ARHGEF10: variants seen among roughly 807,000 people sequenced by gnomAD.
The protein encoded by ARHGEF10 is Rho guanine nucleotide exchange factor 10.
A neutral mutation model predicts 147.4 loss-of-function variants in ARHGEF10; 140 were observed. That is an observed-to-expected ratio of 0.95 (90% confidence interval 0.83 to 1.09). The LOEUF (loss-of-function observed/expected upper bound fraction) is 1.09, where lower values mean the gene tolerates loss of function less well. ARHGEF10 is among the 50% of genes least tolerant of loss of function. The pLI is 0.00. For missense variants in ARHGEF10, 2,222 were observed against 1,752.7 expected (o/e 1.27, Z -4.78); for synonymous variants, 902 against 695.8 (o/e 1.30, Z -4.67).
At position 1,846,410 on chromosome 8, in the gene ARHGEF10, C is replaced by G. The variant is rs190209501; in HGVS notation, c.37+2974C>G. Among the ~76,000 whole-genome samples, 807 of 152,296 alleles carry G rather than the reference C, an allele frequency of 5.3e-3. 6 individuals carry two copies. Among genetic ancestry groups the G allele is most frequent in the African/African-American group, 0.018 (736 of 41,558 alleles). ...ATAATTTCCCCCATTATTAAGTCAACCGTCCACTTAAAAGTGCCCCTGAAG... is the reference window on the plus strand; with the variant it reads ...ATAATTTCCCCCATTATTAAGTCAAGCGTCCACTTAAAAGTGCCCCTGAAG... On this transcript the variant is annotated intron_variant, in intron 2 of 28. Coordinates refer to ENST00000349830, the MANE Select transcript of ARHGEF10 (RefSeq NM_014629.4).
At chr8:1,936,035 A>G (rs1813573452) in intron 26 of ARHGEF10, among the ~76,000 whole-genome samples, 1 of 152,192 alleles carries the variant, frequency 6.6e-6, no homozygotes, top group Non-Finnish European at 1.5e-5. Context: ...AATGATGAGG[A>G]AAAGGCTACA....
Position 1,941,325 on chromosome 8 carries a change from C to T in ARHGEF10, c.3223-4156C>T, listed in dbSNP as rs73671061. 4.0e-3 allele frequency among the ~76,000 whole-genome samples: 611 copies of T among 152,162 alleles called. 5 individuals are homozygous for T. The highest frequency in any genetic ancestry group is 0.014 in the African/African-American group (576 of 41,484). On this transcript the variant is annotated intron_variant, in intron 26 of 28. Coordinates refer to ENST00000349830, the MANE Select transcript of ARHGEF10 (RefSeq NM_014629.4). The stretch of plus-strand genomic sequence containing the variant: ...ATTTCTATACACTAGCAGCAAACAA[C>T]CTGAAAATGAGACAAGAAAACAACT...
At chr8:1,919,626 C>CTGTTCT (rs1812069188) in intron 18 of ARHGEF10, among the ~76,000 whole-genome samples, 1 of 126,804 alleles carries the variant, frequency 7.9e-6, no homozygotes, top group African/African-American at 3.2e-5. Flanking sequence ...TGTCAAGTGA[C>CTGTTCT]AGAGCTGTTC....
chr8:1,889,131 T>TGTGTGTGGGGTGAGGGTTGTAAGGGGAAA (rs1809134159), intron 11 of ARHGEF10, among the ~76,000 whole-genome samples: 1 of 61,192 alleles, frequency 1.6e-5, no homozygotes, highest in Admixed American at 1.5e-4. Context: ...GAGGAGACAC[T>TGTGTGTGGGGTGAGGGTTGTAAGGGGAAA]GTGAGTGGGG....
At chr8:1,950,179 C>T (rs532015088) in intron 27 of ARHGEF10, among the ~76,000 whole-genome samples, 6 of 152,210 alleles carry the variant, frequency 3.9e-5, no homozygotes, top group African/African-American at 1.4e-4. Context: ...CCTCCCACCT[C>T]GCCAGCGGAC....
Position 1,860,078 on chromosome 8 carries a change from C to T in ARHGEF10, c.375C>T (p.Tyr125=), listed in dbSNP as rs1444479178. 6.2e-7 allele frequency: 1 copy of T among 1,614,098 alleles called. No homozygotes were observed. Among genetic ancestry groups the T allele is most frequent in the East Asian group, 2.2e-5 (1 of 44,868 alleles). The change falls in exon 4 of 29, where the codon TAC becomes TAT. Residue 125 remains tyrosine, a synonymous_variant. Coordinates refer to ENST00000349830, the MANE Select transcript of ARHGEF10 (RefSeq NM_014629.4). ...TGGGTCTCCATGTGCCCTGCGGGTA[C>T]TTGGTGCCTGTACCCTGCGGCTATG... ...ENVGLHVPCG[Y]LVPVPCGYAV...
At chr8:1,945,731 C>T (rs968186499) in intron 27 of ARHGEF10, 76 bp downstream of exon 27, 3 of 1,581,036 alleles carry the variant, frequency 1.9e-6, no homozygotes, top group African/African-American at 2.7e-5. Flanking sequence ...CGCTGTCAGC[C>T]CACCTTAGCG....
chr8:1,942,705 A>G (rs2129266647), intron 26 of ARHGEF10, among the ~76,000 whole-genome samples: 1 of 152,356 alleles, frequency 6.6e-6, no homozygotes, highest in East Asian at 1.9e-4. Flanking sequence ...GAACTGGTGA[A>G]TGGACAAACA....
upstream of ARHGEF10, chr8:1,823,921 G>C (rs1240198648): frequency 1.3e-5 from 2 of 151,668 alleles, no homozygotes; most frequent in Admixed American, 1.3e-4. Context: ...GGCCGTCCGG[G>C]CGGGAGGGGC....
chr8:1,929,547 C>T lies in ARHGEF10; in HGVS notation c.3079+104C>T, dbSNP rs971055128. 8.0e-6 allele frequency: 11 copies of T among 1,382,302 alleles called. No homozygotes were observed. In the East Asian group the frequency reaches 2.6e-4, roughly 33 times the overall value. The allele number at this position is 1,382,302 out of a possible 1,614,324, so 85.6% of individuals were successfully genotyped here. Reference sequence around the variant, plus strand: ...CTCCCCACCGGCCTCCTGCCTCCCGCCCCTGTGCCTCCGCCCCTGCGCTCG... The same window carrying T: ...CTCCCCACCGGCCTCCTGCCTCCCGTCCCTGTGCCTCCGCCCCTGCGCTCG... On this transcript the variant is annotated intron_variant, in intron 25 of 28. Transcript: ENST00000349830.
intron 18 of ARHGEF10, among the ~76,000 whole-genome samples, chr8:1,922,467 C>G (rs1004889169): frequency 5.3e-5 from 8 of 152,260 alleles, no homozygotes; most frequent in African/African-American, 1.9e-4. Context: ...TTCTTTAACT[C>G]ACCAGCATCC....
rs75312923 is a variant in ARHGEF10 at position 1,889,956 on chromosome 8, G to C, written c.1183-3613G>C. Among the ~76,000 whole-genome samples, 5 of 148,370 alleles carry C rather than the reference G, an allele frequency of 3.4e-5. 1 individual carries two copies. Among genetic ancestry groups the C allele is most frequent in the Admixed American group, 2.7e-4 (4 of 14,862 alleles). On this transcript the variant is annotated intron_variant, in intron 11 of 28. Transcript: ENST00000349830. ...CGAGGGTTGTGAGGAGACACTGAGT[G>C]GGGGAGGGGTATGTGAGGAGACACT...
intron 1 of ARHGEF10, among the ~76,000 whole-genome samples, chr8:1,828,830 A>C (rs890091830): frequency 2.0e-5 from 3 of 152,210 alleles, no homozygotes; most frequent in Non-Finnish European, 4.4e-5. Flanking sequence ...TACGGTTTTA[A>C]GGAATTACAT....
rs751028628 is a variant in ARHGEF10, at chr8:1,945,635, C to A, written c.3377C>A (p.Pro1126His). 9 of 1,614,104 alleles carry A rather than the reference C, an allele frequency of 5.6e-6. No individual in the cohort carries two copies. Among genetic ancestry groups the A allele is most frequent in the Non-Finnish European group, 7.6e-6 (9 of 1,180,022 alleles). The change falls in exon 27 of 29, where the codon CCT becomes CAT. Residue 1126 changes from proline (P) to histidine (H), a missense_variant. Transcript: ENST00000349830. Reference sequence around the variant, plus strand: ...CTGCAGGACATCAACATCGCCACCCCTGTTCACAACATGCTGCCAGGTAAG... The same window carrying A: ...CTGCAGGACATCAACATCGCCACCCATGTTCACAACATGCTGCCAGGTAAG... ...KHLQDINIAT[P>H]VHNMLPGHQR...
At chr8:1,866,773 C>T (rs1806659097) in intron 6 of ARHGEF10, among the ~76,000 whole-genome samples, 171 bp downstream of exon 6, 2 of 152,356 alleles carry the variant, frequency 1.3e-5, no homozygotes, top group East Asian at 1.9e-4. Flanking sequence ...CCCCGGGTTC[C>T]CTGAAGCTGT....
intron 14 of ARHGEF10, among the ~76,000 whole-genome samples, chr8:1,897,448 C>G (rs1270905807): frequency 2.7e-5 from 4 of 149,870 alleles, no homozygotes; most frequent in Admixed American, 1.3e-4. Context: ...GCAGTTCCCA[C>G]TCTCGACAGT....
intron 11 of ARHGEF10, among the ~76,000 whole-genome samples, chr8:1,886,919 G>C (rs79484245): frequency 0.12 from 18,273 of 152,188 alleles, 1,490 homozygotes; most frequent in East Asian, 0.28. Context: ...CACACGTCCA[G>C]GGGGGTGGTT....
intron 1 of ARHGEF10, among the ~76,000 whole-genome samples, chr8:1,831,753 C>G (rs1237014623): frequency 6.6e-6 from 1 of 152,224 alleles, no homozygotes; most frequent in Non-Finnish European, 1.5e-5. Context: ...GCACTGCTCG[C>G]TCCTGGACAC....
chr8:1,852,817 AT>A (rs1563178842), intron 2 of ARHGEF10, among the ~76,000 whole-genome samples: 1 of 152,228 alleles, frequency 6.6e-6, no homozygotes, highest in Non-Finnish European at 1.5e-5. Flanking sequence ...GGCAGCCCCA[AT>A]GGCCCTGCTG....
Sources: gnomAD v4.1 joint callset for allele counts (sites outside exome capture counted in the v4.1 genomes callset) on GRCh38, gnomAD v4.1.1 for gene constraint, MANE v1.5 for transcripts, NCBI Gene and HGNC (gene_info 2026-07-23, HGNC 2026-07-21) for gene names.